The following SAMD12 variants were observed in gnomAD, a reference collection of about 807,000 sequenced individuals.
The protein encoded by SAMD12 is sterile alpha motif domain-containing protein 12.
A neutral mutation model predicts 15.0 loss-of-function variants in SAMD12; 9 were observed. The ratio of observed to expected loss-of-function variants is 0.60; its 90% CI spans 0.36 to 1.05. The LOEUF (loss-of-function observed/expected upper bound fraction) is 1.05. SAMD12 is among the 50% of genes least tolerant of loss of function. The pLI, the probability that SAMD12 is intolerant of heterozygous loss-of-function variation, is 0.01. For missense variants in SAMD12, 230 were observed against 234.2 expected (o/e 0.98, Z 0.12); for synonymous variants, 86 against 90.1 (o/e 0.96, Z 0.25).
chr8:118,492,342 C>T (rs1471586821), intron 2 of SAMD12, among the ~76,000 whole-genome samples: 2 of 152,152 alleles, frequency 1.3e-5, no homozygotes, highest in Admixed American at 1.3e-4. Flanking sequence ...ATTTGTATGA[C>T]TTATTTATAT....
At chr8:118,589,861 G>A (rs551118427) in intron 1 of SAMD12, among the ~76,000 whole-genome samples, 2 of 152,074 alleles carry the variant, frequency 1.3e-5, no homozygotes, top group East Asian at 3.9e-4. Flanking sequence ...TTTAAATAAA[G>A]TAGTTCCTCT....
At chr8:118,370,391 C>T (rs1214115136) in intron 4 of SAMD12, among the ~76,000 whole-genome samples, 1 of 152,160 alleles carries the variant, frequency 6.6e-6, no homozygotes, top group Non-Finnish European at 1.5e-5. Context: ...CCTCAAAGAC[C>T]TGGAACTGGA....
At chr8:118,552,559 C>T (rs956466608) in intron 2 of SAMD12, among the ~76,000 whole-genome samples, 3 of 152,158 alleles carry the variant, frequency 2.0e-5, no homozygotes, top group African/African-American at 7.2e-5. Flanking sequence ...CTATGACAAA[C>T]CCACAGCCAG....
At chr8:118,501,491 A>G (rs549829118) in intron 2 of SAMD12, among the ~76,000 whole-genome samples, 25 of 152,314 alleles carry the variant, frequency 1.6e-4, no homozygotes, top group African/African-American at 5.5e-4. Context: ...AAAATGTCTC[A>G]TCTCCAAGAG....
intron 2 of SAMD12, among the ~76,000 whole-genome samples, chr8:118,524,238 A>G (rs1825472830): frequency 6.6e-6 from 1 of 152,070 alleles, no homozygotes; most frequent in Admixed American, 6.6e-5. Context: ...AGAGCTCTTC[A>G]TGGTCACCAA....
intron 2 of SAMD12, among the ~76,000 whole-genome samples, chr8:118,474,119 C>T (rs1314403414): frequency 1.3e-5 from 2 of 151,948 alleles, no homozygotes; most frequent in Non-Finnish European, 1.5e-5. Context: ...CCACCCCATG[C>T]TCAGCTAATT....
intron 4 of SAMD12, among the ~76,000 whole-genome samples, chr8:118,219,774 G>C (rs1812045690): frequency 6.6e-6 from 1 of 152,244 alleles, no homozygotes; most frequent in African/African-American, 2.4e-5. Flanking sequence ...AGGAAGGTGA[G>C]TAAAGTTGTC....
At chr8:118,350,963 A>C (rs918637461) in intron 4 of SAMD12, among the ~76,000 whole-genome samples, 2 of 152,068 alleles carry the variant, frequency 1.3e-5, no homozygotes, top group Non-Finnish European at 2.9e-5. Context: ...ATTTTACTTC[A>C]GTTCTTTTGA....
chr8:118,429,185 G>A (rs778612035), intron 3 of SAMD12, among the ~76,000 whole-genome samples: 38 of 152,052 alleles, frequency 2.5e-4, no homozygotes, highest in Non-Finnish European at 4.3e-4. Context: ...CTTGTATTTT[G>A]CGCACTAAGT....
the SAMD12 span, among the ~76,000 whole-genome samples, chr8:118,153,065 G>A: frequency 1.1e-4 from 17 of 152,240 alleles, no homozygotes; most frequent in Non-Finnish European, 2.1e-4. Context: ...GGAAGCCAGA[G>A]AATCACTGCT....
intron 3 of SAMD12, among the ~76,000 whole-genome samples, chr8:118,429,514 T>C (rs772127211): frequency 2.0e-5 from 3 of 152,206 alleles, no homozygotes; most frequent in Non-Finnish European, 2.9e-5. Flanking sequence ...ATAAAAATAA[T>C]TTCACTTCTT....
intron 4 of SAMD12, among the ~76,000 whole-genome samples, chr8:118,313,458 C>A (rs1160522934): frequency 1.3e-5 from 2 of 152,098 alleles, no homozygotes; most frequent in African/African-American, 4.8e-5. Context: ...GCCAATCTTC[C>A]CTCCTCCTTT....
At chr8:118,449,694 G>A (rs1288044475) in intron 2 of SAMD12, among the ~76,000 whole-genome samples, 5 of 150,998 alleles carry the variant, frequency 3.3e-5, no homozygotes, top group African/African-American at 4.9e-5. Context: ...AGCCTGCCTC[G>A]GGAAGCTGAG....
chr8:118,553,367 A>G (rs1586813774), intron 2 of SAMD12, among the ~76,000 whole-genome samples: 2 of 152,046 alleles, frequency 1.3e-5, no homozygotes, highest in African/African-American at 4.8e-5. Flanking sequence ...GAGCCCTCAG[A>G]AATAACGCCG....
At chr8:118,182,364 T>G in the SAMD12 span, among the ~76,000 whole-genome samples, 7 of 152,228 alleles carry the variant, frequency 4.6e-5, no homozygotes, top group African/African-American at 1.7e-4. Context: ...ATGTTTATTT[T>G]TATGGATGTT....
chr8:118,372,733 T>C (rs1026410238), intron 4 of SAMD12, among the ~76,000 whole-genome samples: 2 of 148,474 alleles, frequency 1.3e-5, no homozygotes, highest in Non-Finnish European at 2.9e-5. Flanking sequence ...ACTGTGGTTA[T>C]ATTAGGTTGG....
chr8:118,595,976 G>A lies in SAMD12; in HGVS notation c.14-15083C>T, dbSNP rs1029014570. On this transcript the variant is annotated intron_variant, in intron 1 of 3. Transcript: ENST00000314727. ...ACTTTGGCTTTGGCCATGTGAATTT[G>A]GTCAATGGATATAAGTGGACAAGAT... 2.6e-5 allele frequency among the ~76,000 whole-genome samples: 4 copies of A among 152,206 alleles called. No homozygotes were observed. In the South Asian group the frequency reaches 6.2e-4, roughly 24 times the overall value.
chr8:118,397,214 C>T (rs1820620798), intron 3 of SAMD12, among the ~76,000 whole-genome samples: 1 of 152,102 alleles, frequency 6.6e-6, no homozygotes, highest in African/African-American at 2.4e-5. Flanking sequence ...CATACAAACC[C>T]ACAGGCAAGA....
chr8:118,277,289 G>A (rs1813497444), intron 4 of SAMD12, among the ~76,000 whole-genome samples: 1 of 152,160 alleles, frequency 6.6e-6, no homozygotes, highest in Non-Finnish European at 1.5e-5. Context: ...TAGTGCCAGT[G>A]TTTGTTATCT....
Sources: gnomAD v4.1 joint callset for allele counts (sites outside exome capture counted in the v4.1 genomes callset) on GRCh38, gnomAD v4.1.1 for gene constraint, MANE v1.5 for transcripts, NCBI Gene and HGNC (gene_info 2026-07-23, HGNC 2026-07-21) for gene names.